Variants in RANBP9 observed in about 807,000 individuals in gnomAD.
The protein encoded by RANBP9 is ran-binding protein 9.
In RANBP9, 15 loss-of-function variants were observed where a neutral mutation model predicts 84.3. The observed-to-expected ratio is 0.18, with a 90% CI of 0.12 to 0.27. RANBP9 has a LOEUF of 0.27. RANBP9 is among the 10% of genes least tolerant of loss of function. The probability of loss-of-function intolerance (pLI) is 1.00; values close to 1 mark genes in which losing one functional copy is unlikely to be tolerated. For missense variants in RANBP9, 809 were observed against 912.8 expected (o/e 0.89, Z 1.46); for synonymous variants, 392 against 349.6 (o/e 1.12, Z -1.35).
At chr6:13,645,358 G>T (rs1462109138) in intron 5 of RANBP9, among the ~76,000 whole-genome samples, 1 of 151,756 alleles carries the variant, frequency 6.6e-6, no homozygotes, top group East Asian at 1.9e-4. Context: ...GGGAGGAAAA[G>T]GATGAATCTG....
intron 1 of RANBP9, among the ~76,000 whole-genome samples, chr6:13,710,649 G>A (rs948957741): frequency 6.6e-5 from 10 of 152,336 alleles, no homozygotes; most frequent in Middle Eastern, 3.4e-3. Context: ...GTTCTGTCCT[G>A]TCATCCCGGA....
intron 2 of RANBP9, among the ~76,000 whole-genome samples, chr6:13,661,825 A>G (rs1224816793): frequency 6.6e-6 from 1 of 152,168 alleles, no homozygotes; most frequent in Non-Finnish European, 1.5e-5. Context: ...AAAAGCTACC[A>G]GAAAGAAAAG....
intron 1 of RANBP9, among the ~76,000 whole-genome samples, chr6:13,708,717 TCTC>T (rs1400760280): frequency 1.3e-5 from 2 of 152,070 alleles, no homozygotes; most frequent in Non-Finnish European, 2.9e-5. Flanking sequence ...CTATGATACT[TCTC>T]CTTTGCTACT....
At position 13,622,379 on chromosome 6, in the gene RANBP9, C is replaced by A. The variant is rs1186926893; in HGVS notation, c.2173G>T (p.Glu725Ter). 6.3e-7 allele frequency: 1 copy of A among 1,592,744 alleles called. No individual in the cohort carries two copies. Among genetic ancestry groups the A allele is most frequent in the Non-Finnish European group, 8.6e-7 (1 of 1,169,554 alleles). ...GIGSCAFATVEDYLH is the reference protein window; with the variant it reads ...GIGSCAFATV ...ATGCATAGCTAATGTAGGTAGTCTT[C>A]CACTGTGGCAAATGCGCAGGATCCA... The change falls in exon 14 of 14, where the codon GAA becomes TAA. Residue 725 changes from glutamate to a stop codon, truncating the protein, a stop_gained. Coordinates refer to ENST00000011619, the MANE Select transcript of RANBP9 (RefSeq NM_005493.3). LOFTEE classifies it high-confidence loss of function.
At chr6:13,666,671 G>C (rs1765656954) in intron 2 of RANBP9, among the ~76,000 whole-genome samples, 1 of 148,954 alleles carries the variant, frequency 6.7e-6, no homozygotes, top group African/African-American at 2.5e-5. Context: ...AGCTACTCGG[G>C]AGGATCACTT....
At chr6:13,691,760 T>G (rs1179152682) in intron 2 of RANBP9, among the ~76,000 whole-genome samples, 2 of 152,200 alleles carry the variant, frequency 1.3e-5, no homozygotes, top group East Asian at 1.9e-4. Flanking sequence ...CTGCCTCCTG[T>G]GTTCAAGCGA....
At position 13,637,971 on chromosome 6, in the gene RANBP9, CCA is replaced by C; in HGVS notation, c.1526-18_1526-17del. On this transcript the variant is annotated splice_polypyrimidine_tract_variant and intron_variant, in intron 9 of 13. Transcript: ENST00000011619. ...CTTTCAAAACCTGAAGAAAAAGATA[CCA>C]CGTAGAAACAGAAACAAACACTAAT... 6.3e-7 allele frequency: 1 copy of C among 1,579,688 alleles called. No individual in the cohort carries two copies. Among genetic ancestry groups the C allele is most frequent in the Non-Finnish European group, 8.6e-7 (1 of 1,166,002 alleles).
intron 13 of RANBP9, among the ~76,000 whole-genome samples, chr6:13,624,632 A>G (rs1764548917): frequency 6.6e-6 from 1 of 152,242 alleles, no homozygotes; most frequent in Non-Finnish European, 1.5e-5. Flanking sequence ...AATTCATATA[A>G]AAAGTACTTG....
chr6:13,635,245 G>C (rs1764907265), intron 10 of RANBP9, among the ~76,000 whole-genome samples: 1 of 152,140 alleles, frequency 6.6e-6, no homozygotes, highest in African/African-American at 2.4e-5. Flanking sequence ...ATAGTTTCCA[G>C]TTTTCACTCA....
chr6:13,642,193 ATGTT>A (rs1293645695), intron 7 of RANBP9, among the ~76,000 whole-genome samples: 1 of 152,162 alleles, frequency 6.6e-6, no homozygotes, highest in Non-Finnish European at 1.5e-5. Flanking sequence ...TTTTTATTAA[ATGTT>A]TATTTCCTGA....
intron 4 of RANBP9, among the ~76,000 whole-genome samples, chr6:13,655,964 G>C (rs1765387177): frequency 6.6e-6 from 1 of 152,142 alleles, no homozygotes; most frequent in South Asian, 2.1e-4. Flanking sequence ...GTGAGAAAAG[G>C]ATCTCTTGTG....
intron 2 of RANBP9, among the ~76,000 whole-genome samples, chr6:13,671,841 C>A (rs1227081981): frequency 1.3e-5 from 2 of 151,904 alleles, no homozygotes; most frequent in African/African-American, 4.8e-5. Context: ...ATTACGTAAA[C>A]AGCTTGGAAA....
intron 3 of RANBP9, 119 bp downstream of exon 3, chr6:13,658,658 CATA>C: frequency 1.1e-6 from 1 of 877,964 alleles, no homozygotes; most frequent in African/African-American, 1.7e-5. Flanking sequence ...ACTTAAAATT[CATA>C]ATGATGATTA....
Position 13,642,572 on chromosome 6 carries a change from C to T in RANBP9, c.1132G>A (p.Val378Ile). ...MIQKMVSSYLVHHGYCATAEA... is the reference protein window; with the variant it reads ...MIQKMVSSYLIHHGYCATAEA... ...GCTGTGGCACAGTACCCATGGTGGA[C>T]TAAATAAGATGAAACCATTCTTAAA... Residue 378 changes from valine (V) to isoleucine (I), a missense_variant, in exon 7 of 14, where the codon GTC becomes ATC. This residue lies in a region of RANBP9 where 216 missense variants were observed against 329.0 expected (regional missense o/e 0.66). Coordinates refer to ENST00000011619, the MANE Select transcript of RANBP9 (RefSeq NM_005493.3). The T allele has an allele frequency of 6.2e-7, 1 of 1,607,260 alleles. No homozygotes were observed. The highest frequency in any genetic ancestry group is 1.1e-5 in the South Asian group (1 of 90,628).
At position 13,657,290 on chromosome 6, in the gene RANBP9, TC is replaced by T; in HGVS notation, c.737-15del. ...GCTTATCCCAACCTAAGGAGAAAGT[TC>T]CGGCATATTTACAATGAAAAGTAAG... On this transcript the variant is annotated splice_polypyrimidine_tract_variant and intron_variant, in intron 3 of 13. Transcript: ENST00000011619. 1 of 1,603,422 alleles carries T rather than the reference TC, an allele frequency of 6.2e-7. No homozygotes were observed. Among genetic ancestry groups the T allele is most frequent in the Non-Finnish European group, 8.5e-7 (1 of 1,173,196 alleles).
At chr6:13,695,486 T>G (rs1030574164) in intron 2 of RANBP9, among the ~76,000 whole-genome samples, 2 of 150,736 alleles carry the variant, frequency 1.3e-5, no homozygotes, top group Non-Finnish European at 2.9e-5. Context: ...ATGCAAACAT[T>G]TGGTTAGACA....
At chr6:13,629,071 A>G (rs892497152) in intron 12 of RANBP9, among the ~76,000 whole-genome samples, 4 of 152,226 alleles carry the variant, frequency 2.6e-5, no homozygotes, top group Non-Finnish European at 5.9e-5. Context: ...CAACAGAGCA[A>G]TGTTGAAATA....
chr6:13,659,174 T>C (rs1371211120), intron 2 of RANBP9, among the ~76,000 whole-genome samples: 3 of 150,914 alleles, frequency 2.0e-5, no homozygotes, highest in African/African-American at 4.9e-5. Flanking sequence ...CACAGAGGGA[T>C]TGCAGAAGGA....
intron 13 of RANBP9, among the ~76,000 whole-genome samples, 174 bp from the exon 14 acceptor site, chr6:13,622,666 C>T (rs1764484010): frequency 6.6e-6 from 1 of 152,172 alleles, no homozygotes; most frequent in African/African-American, 2.4e-5. Context: ...ACATACTATT[C>T]TGACAAGGTA....
Sources: gnomAD v4.1 joint callset for allele counts (sites outside exome capture counted in the v4.1 genomes callset) on GRCh38, gnomAD v4.1.1 for gene constraint, gnomAD v4.1.1 regional missense constraint, MANE v1.5 for transcripts, NCBI Gene and HGNC (gene_info 2026-07-23, HGNC 2026-07-21) for gene names.